RNF111: variants seen among roughly 807,000 people sequenced by gnomAD.
The protein encoded by RNF111 is E3 ubiquitin-protein ligase Arkadia.
RNF111 carries 17 observed loss-of-function variants against 95.1 expected under a neutral mutation model. The observed-to-expected ratio is 0.18, with a 90% confidence interval of 0.12 to 0.27. The LOEUF is 0.27. Ranked by LOEUF, RNF111 falls within the 10% of genes least tolerant of loss-of-function variation. The pLI, the probability that RNF111 is intolerant of heterozygous loss-of-function variation, is 1.00. For synonymous variants in RNF111, 440 were observed against 414.8 expected, an observed-to-expected ratio of 1.06 and a Z score of -0.74; for missense variants, 1,189 against 1,210.4, an observed-to-expected ratio of 0.98 and a Z score of 0.26.
At chr15:59,051,470 GAA>G (rs1229895103) in intron 2 of RNF111, among the ~76,000 whole-genome samples, 2 of 127,148 alleles carry the variant, frequency 1.6e-5, no homozygotes, top group African/African-American at 5.8e-5. Flanking sequence ...AAAAAAAAAG[GAA>G]AAAAAAAAAA....
intron 1 of RNF111, among the ~76,000 whole-genome samples, chr15:59,000,907 A>C (rs1317702167): frequency 6.6e-6 from 1 of 152,198 alleles, no homozygotes. Flanking sequence ...ATCAAAACGA[A>C]ATCTGCTCTG....
intron 11 of RNF111, among the ~76,000 whole-genome samples, chr15:59,090,364 G>A (rs934955969): frequency 9.2e-5 from 14 of 152,228 alleles, no homozygotes; most frequent in East Asian, 7.7e-4. Context: ...TGAGTAGCTG[G>A]GATTACAGGT....
intron 2 of RNF111, among the ~76,000 whole-genome samples, chr15:59,045,598 G>A (rs1014443): frequency 0.07 from 10,662 of 152,202 alleles, 526 homozygotes; most frequent in East Asian, 0.25. Context: ...TCTCCATGTC[G>A]AATTGGTAAT....
At chr15:59,031,742 C>G in intron 2 of RNF111, 40 bp downstream of exon 2, 1 of 1,554,936 alleles carries the variant, frequency 6.4e-7, no homozygotes. Flanking sequence ...GAACCTATTG[C>G]ATTGCATTTG....
chr15:59,052,467 T>G lies in RNF111; in HGVS notation c.1007+36T>G, dbSNP rs763824723. 2.1e-6 allele frequency: 3 copies of G among 1,435,822 alleles called. No individual in the cohort carries two copies. In the South Asian group the frequency reaches 4.3e-5, roughly 21 times the overall value. The allele number at this position is 1,435,822 out of a possible 1,614,324, so 88.9% of individuals were successfully genotyped here. A position where few individuals can be genotyped will look rare whatever the true frequency, so the allele number is the denominator to read the frequency against. ...AATTCTTAGTTAAATGTTTGAAATA[T>G]TAAATATAAATATTAAACATATTTG... On this transcript the variant is annotated intron_variant, in intron 3 of 13. Transcript: ENST00000348370.
chr15:59,045,191 C>CT lies in RNF111; in HGVS notation c.881-7100dup, dbSNP rs1174976804. ...CAGTTTTTTTTTTTAAGTGTTTCCT[C>CT]TTTTTTTTTTTTTTGAGACAGAGTT... On this transcript the variant is annotated intron_variant, in intron 2 of 13. Transcript: ENST00000348370. Among the ~76,000 whole-genome samples, 355 of 138,426 alleles carry CT rather than the reference C, an allele frequency of 2.6e-3. 2 individuals are homozygous for CT. Among genetic ancestry groups the CT allele is most frequent in the Middle Eastern group, 0.011 (3 of 274 alleles). 90.8% of individuals were successfully genotyped at this position (138,426 alleles called of 152,430 possible).
In RNF111 at chr15:59,001,416, A is replaced by G. The variant is rs145404913; in HGVS notation, c.-20+13348A>G. Among the ~76,000 whole-genome samples the G allele has an allele frequency of 2.5e-3, 377 of 152,076 alleles. 3 individuals are homozygous for G. Among genetic ancestry groups the G allele is most frequent in the African/African-American group, 8.7e-3 (359 of 41,474 alleles). On this transcript the variant is annotated intron_variant, in intron 1 of 13. Transcript: ENST00000348370. ...TCTACTTTGCCTGCTATTAGTTCCT[A>G]TTTTTGTTGTTGATTAAAAAAAAAT...
chr15:59,021,825 C>T (rs1448442262), intron 1 of RNF111, among the ~76,000 whole-genome samples: 1 of 151,998 alleles, frequency 6.6e-6, no homozygotes, highest in Non-Finnish European at 1.5e-5. Context: ...TTTACTATAG[C>T]TTTTTGGTTA....
intron 3 of RNF111, among the ~76,000 whole-genome samples, chr15:59,054,821 T>A (rs1311463210): frequency 6.6e-6 from 1 of 152,208 alleles, no homozygotes; most frequent in Non-Finnish European, 1.5e-5. Flanking sequence ...TTTCTGTAAA[T>A]GCTGACAATA....
chr15:59,065,216 T>C (rs2042605271), intron 5 of RNF111, among the ~76,000 whole-genome samples: 1 of 152,118 alleles, frequency 6.6e-6, no homozygotes, highest in African/African-American at 2.4e-5. Context: ...GGCTTTAGGC[T>C]CTTCACTCTT....
At chr15:59,055,925 C>T in intron 4 of RNF111, 80 bp downstream of exon 4, 1 of 1,098,520 alleles carries the variant, frequency 9.1e-7, no homozygotes, top group East Asian at 2.7e-5. Context: ...GAAACTCCTC[C>T]TGCTTACTGG....
At chr15:59,093,009 A>G (rs578252161) in intron 13 of RNF111, among the ~76,000 whole-genome samples, 1 of 152,340 alleles carries the variant, frequency 6.6e-6, no homozygotes, top group East Asian at 1.9e-4. Flanking sequence ...CTCTGAAAAA[A>G]AAGAGTAAAA....
At chr15:58,998,125 G>A (rs1379199508) in intron 1 of RNF111, among the ~76,000 whole-genome samples, 3 of 151,666 alleles carry the variant, frequency 2.0e-5, no homozygotes, top group African/African-American at 7.3e-5. Context: ...GGCTGGTCTC[G>A]ATCTCCTGAC....
At chr15:59,001,665 A>T (rs893162419) in intron 1 of RNF111, among the ~76,000 whole-genome samples, 2 of 152,228 alleles carry the variant, frequency 1.3e-5, no homozygotes, top group East Asian at 3.8e-4. Flanking sequence ...CTTTAATAGA[A>T]AATACTTAAT....
At chr15:59,062,593 C>T (rs2042488072) in intron 5 of RNF111, among the ~76,000 whole-genome samples, 1 of 152,122 alleles carries the variant, frequency 6.6e-6, no homozygotes, top group East Asian at 1.9e-4. Context: ...CAGAGCTTAC[C>T]CTCTAGTGGA....
chr15:59,053,691 A>C (rs560610839), intron 3 of RNF111, among the ~76,000 whole-genome samples: 1 of 152,162 alleles, frequency 6.6e-6, no homozygotes. Flanking sequence ...TGCTTGGTAC[A>C]ACATTGACTC....
chr15:58,996,101 A>G (rs1267412532), intron 1 of RNF111, among the ~76,000 whole-genome samples: 2 of 152,118 alleles, frequency 1.3e-5, no homozygotes, highest in African/African-American at 2.4e-5. Flanking sequence ...TTTCAAATAC[A>G]TAATGAGTTA....
At chr15:59,076,337 A>G (rs1446895227) in intron 7 of RNF111, 122 bp downstream of exon 7, 1 of 1,146,982 alleles carries the variant, frequency 8.7e-7, no homozygotes, top group African/African-American at 1.5e-5. Context: ...GCTTAAGAGT[A>G]GGGTATATTT....
intron 6 of RNF111, among the ~76,000 whole-genome samples, chr15:59,068,703 T>C (rs1311522380): frequency 6.6e-6 from 1 of 152,150 alleles, no homozygotes; most frequent in African/African-American, 2.4e-5. Context: ...CACTTTTCTA[T>C]GTCACCCGAC....
Sources: allele counts gnomAD v4.1 joint callset (sites outside exome capture counted in the v4.1 genomes callset), GRCh38; gene constraint gnomAD v4.1.1; transcripts MANE v1.5; gene names NCBI Gene and HGNC (gene_info 2026-07-23, HGNC 2026-07-21).